Variants in PDE1A observed in about 807,000 individuals in gnomAD.
The protein encoded by PDE1A is dual specificity calcium/calmodulin-dependent 3',5'-cyclic nucleotide phosphodiesterase 1A.
PDE1A carries 35 observed loss-of-function variants against 61.7 expected under a neutral mutation model. That is an observed-to-expected ratio of 0.57 (90% CI 0.43 to 0.75). PDE1A has a LOEUF of 0.75. PDE1A is among the 30% of genes least tolerant of loss of function. The pLI is 0.00. For synonymous variants in PDE1A, 232 were observed against 213.2 expected (o/e 1.09, Z -0.77); for missense variants, 597 against 630.6 (o/e 0.95, Z 0.57).
chr2:182,508,994 T>C (rs951358478), intron 2 of PDE1A, among the ~76,000 whole-genome samples: 2 of 144,382 alleles, frequency 1.4e-5, no homozygotes, highest in African/African-American at 5.0e-5. Flanking sequence ...CAGAGTGTGA[T>C]ATTCCCCTTC....
chr2:182,295,130 A>C (rs1003438783), intron 1 of PDE1A, among the ~76,000 whole-genome samples: 2 of 117,224 alleles, frequency 1.7e-5, no homozygotes, highest in Admixed American at 2.6e-4. Context: ...TGCGGACTGC[A>C]GTGGCGCAAT....
chr2:182,627,943 C>A, the PDE1A span, among the ~76,000 whole-genome samples: 138 of 124,222 alleles, frequency 1.1e-3, no homozygotes, highest in African/African-American at 1.3e-3. Flanking sequence ...GACTCCATCT[C>A]AAAAAAAAAA....
chr2:182,302,486 C>T (rs1448345034), intron 1 of PDE1A, among the ~76,000 whole-genome samples: 1 of 152,206 alleles, frequency 6.6e-6, no homozygotes, highest in Non-Finnish European at 1.5e-5. Context: ...ATTTAAAATA[C>T]TTCATTACTA....
chr2:182,184,042 GAA>G, intron 13 of PDE1A, among the ~76,000 whole-genome samples: 1 of 128,720 alleles, frequency 7.8e-6, no homozygotes, highest in South Asian at 2.5e-4. Context: ...AAGAAAGAAA[GAA>G]AGAAAGAAAG....
chr2:182,457,485 T>C (rs1183940846), intron 2 of PDE1A, among the ~76,000 whole-genome samples: 3 of 152,022 alleles, frequency 2.0e-5, no homozygotes, highest in Non-Finnish European at 2.9e-5. Flanking sequence ...ATTAAGTTTG[T>C]AGATGGTAAT....
chr2:182,696,264 C>T, the PDE1A span, among the ~76,000 whole-genome samples: 11 of 152,194 alleles, frequency 7.2e-5, no homozygotes, highest in African/African-American at 1.9e-4. Flanking sequence ...ATCCAGACAA[C>T]GGGATATTAT....
chr2:182,679,291 C>T, the PDE1A span, among the ~76,000 whole-genome samples: 1 of 150,924 alleles, frequency 6.6e-6, no homozygotes, highest in South Asian at 2.1e-4. Flanking sequence ...TAACGTCATT[C>T]TCCAGCCTTA....
At chr2:182,288,141 C>G (rs536948624) in intron 1 of PDE1A, among the ~76,000 whole-genome samples, 88 of 152,084 alleles carry the variant, frequency 5.8e-4, no homozygotes, top group Non-Finnish European at 1.0e-3. Context: ...ATGAAGACTT[C>G]TATTTTATTT....
chr2:182,213,095 G>A (rs1414718369), intron 7 of PDE1A, among the ~76,000 whole-genome samples: 2 of 150,622 alleles, frequency 1.3e-5, no homozygotes, highest in East Asian at 2.0e-4. Flanking sequence ...GCCTCCTCAA[G>A]TGGGTCCCTG....
chr2:182,363,605 G>A (rs992642426), intron 1 of PDE1A, among the ~76,000 whole-genome samples: 16 of 152,146 alleles, frequency 1.1e-4, no homozygotes, highest in Non-Finnish European at 2.4e-4. Flanking sequence ...AATTCTAAGT[G>A]GTGATGAAGC....
At chr2:182,373,139 A>G (rs762997637) in intron 1 of PDE1A, among the ~76,000 whole-genome samples, 3 of 152,216 alleles carry the variant, frequency 2.0e-5, no homozygotes, top group Admixed American at 1.3e-4. Flanking sequence ...AGGGGCTTCA[A>G]TGATTTACTT....
chr2:182,275,725 G>A (rs749654223), intron 1 of PDE1A, among the ~76,000 whole-genome samples: 2 of 152,008 alleles, frequency 1.3e-5, no homozygotes, highest in Non-Finnish European at 2.9e-5. Flanking sequence ...AGGCACCCTC[G>A]TAAATTCATA....
the PDE1A span, among the ~76,000 whole-genome samples, chr2:182,570,143 A>T: frequency 6.6e-6 from 1 of 152,232 alleles, no homozygotes; most frequent in African/African-American, 2.4e-5. Context: ...TGGTTTACGT[A>T]AAACATTCAA....
At chr2:182,532,663 A>G in the PDE1A span, among the ~76,000 whole-genome samples, 1 of 152,202 alleles carries the variant, frequency 6.6e-6, no homozygotes, top group Non-Finnish European at 1.5e-5. Context: ...ATATACTTAA[A>G]AATCAATGAA....
At chr2:182,241,218 AG>A (rs1690481775) in intron 2 of PDE1A, among the ~76,000 whole-genome samples, 2 of 152,224 alleles carry the variant, frequency 1.3e-5, no homozygotes, top group Admixed American at 6.5e-5. Context: ...CACCAAATAC[AG>A]AAACAGCTTA....
the PDE1A span, among the ~76,000 whole-genome samples, chr2:182,559,761 T>C: frequency 2.7e-3 from 417 of 152,322 alleles, no homozygotes; most frequent in African/African-American, 9.5e-3. Context: ...AAGTGTATCA[T>C]ATTCACACAA....
At chr2:182,672,883 C>G in the PDE1A span, among the ~76,000 whole-genome samples, 2 of 152,128 alleles carry the variant, frequency 1.3e-5, no homozygotes, top group Non-Finnish European at 2.9e-5. Flanking sequence ...AATTTTGTGG[C>G]TCATCATGTC....
At chr2:182,648,044 A>G in the PDE1A span, among the ~76,000 whole-genome samples, 1 of 152,134 alleles carries the variant, frequency 6.6e-6, no homozygotes, top group Non-Finnish European at 1.5e-5. Context: ...TGACTAGAAC[A>G]CTTGTTTAAA....
intron 1 of PDE1A, among the ~76,000 whole-genome samples, chr2:182,290,774 G>T (rs1056894799): frequency 2.0e-5 from 3 of 151,756 alleles, no homozygotes; most frequent in Non-Finnish European, 4.4e-5. Flanking sequence ...TACTCTACAT[G>T]CCACTGAAAA....
Sources: gnomAD v4.1 joint callset for allele counts (sites outside exome capture counted in the v4.1 genomes callset) on GRCh38, gnomAD v4.1.1 for gene constraint, MANE v1.5 for transcripts, NCBI Gene and HGNC (gene_info 2026-07-23, HGNC 2026-07-21) for gene names.